RBFOX3: variants seen among roughly 807,000 people sequenced by gnomAD.
RBFOX3 encodes RNA binding protein fox-1 homolog 3.
In RBFOX3, 17 loss-of-function variants were observed where a neutral mutation model predicts 48.7. That is an observed-to-expected ratio of 0.35 (90% CI 0.24 to 0.52). The LOEUF is 0.52. RBFOX3 is among the 20% of genes least tolerant of loss of function. RBFOX3 has a pLI of 0.94. For synonymous variants in RBFOX3, 212 were observed against 209.5 expected (o/e 1.01, Z -0.10); for missense variants, 382 against 497.5 (o/e 0.77, Z 2.21).
At chr17:79,527,873 G>C (rs935915514) in intron 1 of RBFOX3, among the ~76,000 whole-genome samples, 4 of 152,154 alleles carry the variant, frequency 2.6e-5, no homozygotes, top group Non-Finnish European at 4.4e-5. Flanking sequence ...GGGGCGGTTC[G>C]GGGTCTCAGC....
intron 4 of RBFOX3, among the ~76,000 whole-genome samples, chr17:79,215,143 G>T (rs780335363): frequency 7.2e-5 from 11 of 152,138 alleles, no homozygotes; most frequent in African/African-American, 9.7e-5. Context: ...TTGTCCCATC[G>T]GGTTGGCTCT....
intron 1 of RBFOX3, among the ~76,000 whole-genome samples, chr17:79,573,487 ACTCT>A (rs1352311879): frequency 6.6e-6 from 1 of 151,896 alleles, no homozygotes; most frequent in African/African-American, 2.4e-5. Context: ...CCCTGGAGAC[ACTCT>A]CTGGTCTGCA....
chr17:79,618,294 T>C, the RBFOX3 span, among the ~76,000 whole-genome samples: 1 of 152,142 alleles, frequency 6.6e-6, no homozygotes, highest in Non-Finnish European at 1.5e-5. Flanking sequence ...GGCGCCGCAG[T>C]CCACTCAGGG....
rs2148286943 is a variant in RBFOX3 at position 79,252,118 on chromosome 17, C to T, written c.-73-16313G>A. Among the ~76,000 whole-genome samples, 1 of 152,346 alleles carries T rather than the reference C, an allele frequency of 6.6e-6. No individual in the cohort carries two copies. The highest frequency in any genetic ancestry group is 1.9e-4 in the East Asian group (1 of 5,176). On this transcript the variant is annotated intron_variant, in intron 3 of 14. Coordinates refer to ENST00000693108, the MANE Select transcript of RBFOX3 (RefSeq NM_001350451.2). This position sits in a 1 kb window ranked among gnomAD's most constrained non-coding sequence, Gnocchi z 4.0. ...GGCTGGCCCACACCCTCCTGGTCTC[C>T]CCATGGCTCTGGCCCTTCCTCCTGC...
intron 2 of RBFOX3, among the ~76,000 whole-genome samples, chr17:79,355,405 C>T (rs146039079): frequency 4.9e-4 from 74 of 152,300 alleles, no homozygotes; most frequent in African/African-American, 1.7e-3. Flanking sequence ...GTGGGATACC[C>T]GCCCCCGTTT....
At chr17:79,316,038 C>G (rs1020870186) in intron 2 of RBFOX3, among the ~76,000 whole-genome samples, 4 of 152,180 alleles carry the variant, frequency 2.6e-5, no homozygotes, top group Non-Finnish European at 5.9e-5. Flanking sequence ...ATCTGTGCCC[C>G]CTGCTGCTGG....
chr17:79,173,609 C>T (rs75645680), intron 4 of RBFOX3, among the ~76,000 whole-genome samples: 8,920 of 152,246 alleles, frequency 0.059, 295 homozygotes, highest in East Asian at 0.18. Flanking sequence ...AGTGGCTTGG[C>T]AGTGACGGCA....
intron 1 of RBFOX3, among the ~76,000 whole-genome samples, chr17:79,541,503 C>T (rs530872511): frequency 9.7e-4 from 147 of 152,322 alleles, no homozygotes; most frequent in Non-Finnish European, 1.8e-3. Flanking sequence ...GCAGCGGGTC[C>T]GCCTGTCCCT....
At chr17:79,326,248 C>T (rs1324822561) in intron 2 of RBFOX3, among the ~76,000 whole-genome samples, 6 of 152,148 alleles carry the variant, frequency 3.9e-5, no homozygotes, top group African/African-American at 7.2e-5. Flanking sequence ...TAGCGTCTCC[C>T]GTCACACCAC....
intron 3 of RBFOX3, among the ~76,000 whole-genome samples, chr17:79,258,508 G>A (rs1239422241): frequency 6.6e-6 from 1 of 152,176 alleles, no homozygotes; most frequent in African/African-American, 2.4e-5. Context: ...TCCCACGGGG[G>A]TCCCTGTCTA....
chr17:79,640,086 C>T, the RBFOX3 span, among the ~76,000 whole-genome samples: 3 of 152,012 alleles, frequency 2.0e-5, no homozygotes, highest in Non-Finnish European at 4.4e-5. Context: ...AACTCAACAA[C>T]CAAAAAACTG....
chr17:79,260,528 C>A (rs1400059416), intron 3 of RBFOX3, among the ~76,000 whole-genome samples: 9 of 152,236 alleles, frequency 5.9e-5, no homozygotes, highest in Non-Finnish European at 1.0e-4. Context: ...GCCACTGGCA[C>A]CTCCACGGGT....
chr17:79,428,257 C>T (rs782191593), intron 2 of RBFOX3, among the ~76,000 whole-genome samples: 12 of 152,222 alleles, frequency 7.9e-5, no homozygotes, highest in Admixed American at 2.0e-4. Flanking sequence ...CACAGTTTCC[C>T]CGGAGCCCCT....
intron 1 of RBFOX3, among the ~76,000 whole-genome samples, chr17:79,556,388 T>C (rs2091762591): frequency 6.6e-6 from 1 of 152,068 alleles, no homozygotes; most frequent in African/African-American, 2.4e-5. Flanking sequence ...CCCGTGTGGC[T>C]CCGTAAAGCA....
At chr17:79,491,626 G>A (rs2080674286) in intron 1 of RBFOX3, among the ~76,000 whole-genome samples, 1 of 152,144 alleles carries the variant, frequency 6.6e-6, no homozygotes, top group Non-Finnish European at 1.5e-5. Flanking sequence ...TACATAAATA[G>A]GGGGCCAGTT....
intron 2 of RBFOX3, among the ~76,000 whole-genome samples, chr17:79,442,747 C>A (rs1341767160): frequency 1.3e-5 from 2 of 151,682 alleles, no homozygotes; most frequent in East Asian, 2.0e-4. Flanking sequence ...GCAGGCAGAG[C>A]CGGAGGGGCA....
intron 2 of RBFOX3, among the ~76,000 whole-genome samples, chr17:79,464,210 T>C (rs920660090): frequency 2.6e-5 from 4 of 152,158 alleles, no homozygotes; most frequent in African/African-American, 9.7e-5. Context: ...CATCAGGAAA[T>C]GTTCGCTCTC....
chr17:79,544,557 G>A (rs894725152), intron 1 of RBFOX3, among the ~76,000 whole-genome samples: 8 of 151,894 alleles, frequency 5.3e-5, no homozygotes, highest in South Asian at 4.2e-4. Flanking sequence ...TCCTCCCGTC[G>A]GAGTACCCCG....
intron 1 of RBFOX3, among the ~76,000 whole-genome samples, chr17:79,550,539 C>T (rs2091036366): frequency 6.6e-6 from 1 of 152,132 alleles, no homozygotes; most frequent in African/African-American, 2.4e-5. Flanking sequence ...TTTCAAAGTA[C>T]CACTACATGC....
Sources: allele counts gnomAD v4.1 joint callset (sites outside exome capture counted in the v4.1 genomes callset), GRCh38; gene constraint gnomAD v4.1.1; non-coding constraint Gnocchi (gnomAD v3.1); transcripts MANE v1.5; gene names NCBI Gene and HGNC (gene_info 2026-07-23, HGNC 2026-07-21).